Variants in LEPR observed in about 807,000 individuals in gnomAD.
LEPR encodes OB receptor.
A neutral mutation model predicts 114.7 loss-of-function variants in LEPR; 56 were observed. The ratio of observed to expected loss-of-function variants is 0.49; its 90% confidence interval spans 0.39 to 0.61. The LOEUF (loss-of-function observed/expected upper bound fraction) is 0.61, where lower values mean the gene tolerates loss of function less well. Among genes scored for constraint, LEPR ranks in the 20% least tolerant of loss-of-function variants. LEPR has a pLI of 0.00. For synonymous variants in LEPR, 443 were observed against 461.4 expected, an observed-to-expected ratio of 0.96 and a Z score of 0.51; for missense variants, 1,202 against 1,352.9, an observed-to-expected ratio of 0.89 and a Z score of 1.75.
intron 7 of LEPR, among the ~76,000 whole-genome samples, chr1:65,596,972 G>C (rs1656106880): frequency 6.6e-6 from 1 of 151,976 alleles, no homozygotes; most frequent in Non-Finnish European, 1.5e-5. Flanking sequence ...GCACATTCCT[G>C]TAAAATCCAG....
chr1:65,468,165 T>A (rs539340433), intron 2 of LEPR, among the ~76,000 whole-genome samples: 1 of 152,254 alleles, frequency 6.6e-6, no homozygotes, highest in Admixed American at 6.5e-5. Context: ...TATTTGGCCA[T>A]CTTGGAAGCA....
chr1:65,550,209 G>A (rs917287651), intron 2 of LEPR, among the ~76,000 whole-genome samples: 1 of 152,158 alleles, frequency 6.6e-6, no homozygotes, highest in Non-Finnish European at 1.5e-5. Flanking sequence ...CGTGGGAGGT[G>A]TCGGTCTGCC....
chr1:65,525,041 C>CAT (rs1194899417), intron 2 of LEPR, among the ~76,000 whole-genome samples: 1 of 152,140 alleles, frequency 6.6e-6, no homozygotes, highest in Non-Finnish European at 1.5e-5. Flanking sequence ...GAGTGGTGGT[C>CAT]ATATAGCTCA....
chr1:65,580,210 A>G (rs375681158), intron 5 of LEPR, among the ~76,000 whole-genome samples: 24 of 152,168 alleles, frequency 1.6e-4, no homozygotes, highest in African/African-American at 5.3e-4. Flanking sequence ...AAGGCAATGT[A>G]TCTCCAAACA....
At position 65,638,370 on chromosome 1, in the gene LEPR, C is replaced by A. The variant is rs1658783906; in HGVS notation, c.*1355C>A. On this transcript the variant is annotated 3_prime_UTR_variant, in exon 20 of 20. Coordinates refer to ENST00000349533, the MANE Select transcript of LEPR (RefSeq NM_002303.6). Reference sequence around the variant, plus strand: ...CAACTTTTGGTACGGTAAAAAAATTCAAAGACAGCATATTGGGCAACAAAC... The same window carrying A: ...CAACTTTTGGTACGGTAAAAAAATTAAAAGACAGCATATTGGGCAACAAAC... The A allele has an allele frequency of 6.6e-6, 1 of 152,006 alleles. No homozygotes were observed. Among genetic ancestry groups the A allele is most frequent in the South Asian group, 2.1e-4 (1 of 4,816 alleles). 9.4% of individuals were successfully genotyped at this position (152,006 alleles called of 1,614,324 possible).
chr1:65,539,672 T>C (rs1651043926), intron 2 of LEPR, among the ~76,000 whole-genome samples: 1 of 152,226 alleles, frequency 6.6e-6, no homozygotes, highest in African/African-American at 2.4e-5. Context: ...TTTGAGGAAT[T>C]TCCACTTAAT....
intron 5 of LEPR, among the ~76,000 whole-genome samples, chr1:65,582,122 T>C: frequency 6.6e-6 from 1 of 152,206 alleles, no homozygotes; most frequent in Admixed American, 6.5e-5. Context: ...AGCACCCCAC[T>C]TTCAAGTTCC....
intron 3 of LEPR, among the ~76,000 whole-genome samples, chr1:65,569,432 TGCA>T (rs1157806671): frequency 1.3e-5 from 2 of 152,044 alleles, no homozygotes; most frequent in Non-Finnish European, 2.9e-5. Flanking sequence ...TTTGGCTGGG[TGCA>T]GTGGCTCATG....
Position 65,570,997 on chromosome 1 carries a change from AGG to A in LEPR, c.370+197_370+198del, listed in dbSNP as rs1654112460. 8.5e-5 allele frequency among the ~76,000 whole-genome samples: 13 copies of A among 152,326 alleles called. 1 individual carries two copies. The South Asian group carries it at 2.7e-3, about 32-fold the overall frequency. ...TCTTGTATCCCATAAAAATATAATG[AGG>A]GAATTATTTTACTTTTAAGTACATT... On this transcript the variant is annotated intron_variant, in intron 4 of 19. Transcript: ENST00000349533.
At chr1:65,472,649 T>C (rs573701838) in intron 2 of LEPR, among the ~76,000 whole-genome samples, 2,771 of 137,374 alleles carry the variant, frequency 0.02, 104 homozygotes, top group African/African-American at 0.084. Context: ...CACACACACA[T>C]ATATTTCTTT....
chr1:65,633,227 G>A lies in LEPR; in HGVS notation c.2674-2964G>A, dbSNP rs1658594885. ...TGTGCCAACTTCCCAACAGTCTATA[G>A]AGTATTAGAAGATTTTTACATTTTG... On this transcript the variant is annotated intron_variant, in intron 19 of 19. Coordinates refer to ENST00000349533, the MANE Select transcript of LEPR (RefSeq NM_002303.6). The surrounding 1 kb of genome is among the most constrained non-coding windows in gnomAD (Gnocchi z 4.1). 9.4e-6 allele frequency: 15 copies of A among 1,601,170 alleles called. No homozygotes were observed. The South Asian group carries it at 1.4e-4, about 14-fold the overall frequency.
intron 19 of LEPR, among the ~76,000 whole-genome samples, chr1:65,623,828 A>T (rs1658031276): frequency 6.6e-6 from 1 of 152,188 alleles, no homozygotes; most frequent in Non-Finnish European, 1.5e-5. Context: ...ACAATCTGTT[A>T]TCAACCTACC....
chr1:65,449,132 G>A (rs547911471), intron 2 of LEPR, among the ~76,000 whole-genome samples: 6 of 152,240 alleles, frequency 3.9e-5, no homozygotes, highest in South Asian at 4.1e-4. Flanking sequence ...AACCTCTAGC[G>A]ATCCACCTGC....
At chr1:65,523,522 G>C (rs547223575) in intron 2 of LEPR, among the ~76,000 whole-genome samples, 42 of 152,178 alleles carry the variant, frequency 2.8e-4, no homozygotes, top group African/African-American at 1.0e-3. Context: ...TGTTGGTCAG[G>C]CTGGTCTTGA....
rs115633370 is a variant in LEPR at position 65,468,410 on chromosome 1, C to T, written c.-21+43032C>T. ...ACACTGGGTATGTGGTATAGTTATA[C>T]GAGAACAATCTGTACTCTCTTAGCA... On this transcript the variant is annotated intron_variant, in intron 2 of 19. Coordinates refer to ENST00000349533, the MANE Select transcript of LEPR (RefSeq NM_002303.6). 5.0e-3 allele frequency among the ~76,000 whole-genome samples: 760 copies of T among 152,248 alleles called. 8 individuals carry two copies. Among genetic ancestry groups the T allele is most frequent in the African/African-American group, 0.018 (731 of 41,544 alleles).
Position 65,592,822 on chromosome 1 carries a change from A to T in LEPR, c.660A>T (p.Val220=). ...LMCLKITSGG[V]IFQSPLMSVQ... Reference sequence around the variant, plus strand: ...GTTTGAAAATCACATCTGGTGGAGTAATTTTCCAGTCACCTCTAATGTCAG... The same window carrying T: ...GTTTGAAAATCACATCTGGTGGAGTTATTTTCCAGTCACCTCTAATGTCAG... The change falls in exon 6 of 20, where the codon GTA becomes GTT. Residue 220 remains valine, a synonymous_variant. Coordinates refer to ENST00000349533, the MANE Select transcript of LEPR (RefSeq NM_002303.6). The T allele has an allele frequency of 2.5e-6, 4 of 1,613,282 alleles. No homozygotes were observed. In the African/African-American group the frequency reaches 5.3e-5, roughly 22 times the overall value.
rs759835889 is a variant in LEPR, at chr1:65,636,477, C to A, written c.2960C>A (p.Ala987Asp). ...ESQRQPFVKY[A>D]TLISNSKPSE... ...CAGAGACAACCCTTTGTTAAATACGCCACGCTGATCAGCAACTCTAAACCA... is the reference window on the plus strand; with the variant it reads ...CAGAGACAACCCTTTGTTAAATACGACACGCTGATCAGCAACTCTAAACCA... Residue 987 changes from alanine to aspartate, a missense_variant, in exon 20 of 20, where the codon GCC becomes GAC. Ala to Asp is a moderately radical substitution (Grantham distance 126, BLOSUM62 -2). Coordinates refer to ENST00000349533, the MANE Select transcript of LEPR (RefSeq NM_002303.6). 1.2e-6 allele frequency: 2 copies of A among 1,614,044 alleles called. No homozygotes were observed. The highest frequency in any genetic ancestry group is 2.2e-5 in the South Asian group (2 of 91,078).
At chr1:65,625,435 A>G (rs1570850342) in intron 19 of LEPR, among the ~76,000 whole-genome samples, 1 of 152,194 alleles carries the variant, frequency 6.6e-6, no homozygotes, top group African/African-American at 2.4e-5. Context: ...GCTCCTGAGT[A>G]TACAGTTTAA....
At chr1:65,556,852 GAGAGGGCTGTAGTGCTTTGAGAA>G (rs1359053632) in intron 2 of LEPR, among the ~76,000 whole-genome samples, 1 of 152,106 alleles carries the variant, frequency 6.6e-6, no homozygotes, top group African/African-American at 2.4e-5. Context: ...CAAGTGACAG[GAGAGGGCTGTAGTGCTTTGAGAA>G]AGAGAGACAT....
Sources: gnomAD v4.1 joint callset for allele counts (sites outside exome capture counted in the v4.1 genomes callset) on GRCh38, gnomAD v4.1.1 for gene constraint, Gnocchi (gnomAD v3.1) non-coding constraint, MANE v1.5 for transcripts, NCBI Gene and HGNC (gene_info 2026-07-23, HGNC 2026-07-21) for gene names.